AOPEP: variants seen among roughly 807,000 people sequenced by gnomAD.
The protein encoded by AOPEP is aminopeptidase O (putative).
In AOPEP, 77 loss-of-function variants were observed where a neutral mutation model predicts 98.1. The observed-to-expected ratio is 0.78, with a 90% CI of 0.65 to 0.95. The LOEUF (loss-of-function observed/expected upper bound fraction) is 0.95, where lower values mean the gene tolerates loss of function less well. Ranked by LOEUF, AOPEP falls within the 40% of genes least tolerant of loss-of-function variation. AOPEP has a pLI of 0.00. For synonymous variants in AOPEP, 346 were observed against 365.3 expected (o/e 0.95, Z 0.60); for missense variants, 1,024 against 1,024.7 (o/e 1.00, Z 0.01).
At chr9:94,743,752 T>C (rs1325309166) in intron 1 of AOPEP, among the ~76,000 whole-genome samples, 2 of 151,936 alleles carry the variant, frequency 1.3e-5, no homozygotes, top group African/African-American at 2.4e-5. Context: ...AGGGGTTGGA[T>C]TGAACCCAGG....
intron 9 of AOPEP, among the ~76,000 whole-genome samples, chr9:94,957,509 G>A (rs548512693): frequency 3.9e-4 from 60 of 152,212 alleles, no homozygotes; most frequent in Admixed American, 1.3e-3. Flanking sequence ...CACCCAGCCC[G>A]TTTATCTCTT....
At chr9:95,085,172 G>C (rs562887165) in intron 16 of AOPEP, 19 of 452,754 alleles carry the variant, frequency 4.2e-5, no homozygotes, top group Non-Finnish European at 6.6e-5. Context: ...TTCCGCGGAA[G>C]CCCAGTGTGT....
chr9:94,983,206 G>T (rs1433258027), intron 11 of AOPEP, among the ~76,000 whole-genome samples: 2 of 152,060 alleles, frequency 1.3e-5, no homozygotes, highest in South Asian at 4.1e-4. Context: ...TGTATTTTTA[G>T]TAGAGACGGG....
At chr9:94,744,106 GAT>G (rs1380536352) in intron 1 of AOPEP, among the ~76,000 whole-genome samples, 1 of 151,958 alleles carries the variant, frequency 6.6e-6, no homozygotes, top group African/African-American at 2.4e-5. Context: ...TTAAGAATAA[GAT>G]ATGGGGCTGT....
chr9:94,933,613 AG>A, intron 7 of AOPEP: 4 of 985,434 alleles, frequency 4.1e-6, no homozygotes, highest in Non-Finnish European at 4.8e-6. Context: ...CCTTAATAAT[AG>A]GGGGAAAACC....
chr9:94,922,124 C>G (rs527340369), intron 5 of AOPEP, among the ~76,000 whole-genome samples: 1 of 152,330 alleles, frequency 6.6e-6, no homozygotes, highest in East Asian at 1.9e-4. Context: ...GCCACCCACC[C>G]TCCCCACAGC....
At chr9:94,855,389 T>C (rs993392752) in intron 5 of AOPEP, among the ~76,000 whole-genome samples, 6 of 152,158 alleles carry the variant, frequency 3.9e-5, no homozygotes, top group Non-Finnish European at 1.5e-5. Context: ...TGTTTTAGTT[T>C]ATTATTTAGA....
At chr9:94,833,164 G>T (rs1263931762) in intron 5 of AOPEP, among the ~76,000 whole-genome samples, 1 of 149,396 alleles carries the variant, frequency 6.7e-6, no homozygotes, top group East Asian at 2.0e-4. Flanking sequence ...TTGAACTCCT[G>T]ACCTAAAGTG....
chr9:95,128,348 T>C, the AOPEP span, among the ~76,000 whole-genome samples: 1 of 152,226 alleles, frequency 6.6e-6, no homozygotes, highest in Non-Finnish European at 1.5e-5. Context: ...TAAGATCAAA[T>C]AGCACTGTTA....
At chr9:94,960,930 T>G (rs956397334) in intron 9 of AOPEP, among the ~76,000 whole-genome samples, 2 of 149,408 alleles carry the variant, frequency 1.3e-5, no homozygotes, top group Admixed American at 6.7e-5. Context: ...GAGAATGGCG[T>G]GAACCCGGGA....
intron 5 of AOPEP, among the ~76,000 whole-genome samples, chr9:94,909,346 T>TAAAAAAAAA (rs3052031): frequency 2.4e-5 from 2 of 82,034 alleles, no homozygotes; most frequent in African/African-American, 9.2e-5. Context: ...TTTGGAGCCT[T>TAAAAAAAAA]AAAAAAAAAA....
At chr9:95,103,300 T>A in the AOPEP span, among the ~76,000 whole-genome samples, 1 of 151,980 alleles carries the variant, frequency 6.6e-6, no homozygotes, top group African/African-American at 2.4e-5. Flanking sequence ...CATGCAAAAA[T>A]TCGCAGCCCT....
intron 5 of AOPEP, among the ~76,000 whole-genome samples, chr9:94,911,458 C>T (rs1327093991): frequency 2.0e-5 from 3 of 152,134 alleles, no homozygotes; most frequent in African/African-American, 4.8e-5. Context: ...TCAAGCATCA[C>T]GTAATTTTCC....
At chr9:95,020,526 G>A (rs991266448) in intron 13 of AOPEP, among the ~76,000 whole-genome samples, 1 of 151,668 alleles carries the variant, frequency 6.6e-6, no homozygotes, top group Non-Finnish European at 1.5e-5. Flanking sequence ...TGCTTTTCAT[G>A]TTACATTAGT....
At chr9:94,845,273 G>C (rs1476617482) in intron 5 of AOPEP, among the ~76,000 whole-genome samples, 1 of 152,236 alleles carries the variant, frequency 6.6e-6, no homozygotes, top group Non-Finnish European at 1.5e-5. Context: ...AGCCCCCGAG[G>C]TGGGAAGCAC....
chr9:94,975,196 C>T (rs889206799), intron 10 of AOPEP, among the ~76,000 whole-genome samples: 4 of 152,094 alleles, frequency 2.6e-5, no homozygotes, highest in African/African-American at 9.7e-5. Context: ...GAGATTGAAC[C>T]ACTGCACTCC....
chr9:94,806,800 C>T (rs1427318136), intron 5 of AOPEP, among the ~76,000 whole-genome samples: 1 of 152,134 alleles, frequency 6.6e-6, no homozygotes, highest in African/African-American at 2.4e-5. Context: ...CTTGACAATA[C>T]CACTTTGTAC....
intron 5 of AOPEP, among the ~76,000 whole-genome samples, chr9:94,911,630 A>G (rs564598270): frequency 2.6e-5 from 4 of 152,210 alleles, no homozygotes; most frequent in Non-Finnish European, 5.9e-5. Context: ...ATGTGACTCT[A>G]TGGCAAAAGA....
intron 5 of AOPEP, among the ~76,000 whole-genome samples, chr9:94,826,703 ATGG>A (rs762593808): frequency 2.6e-5 from 4 of 152,038 alleles, no homozygotes; most frequent in African/African-American, 7.2e-5. Flanking sequence ...GATAATAATG[ATGG>A]TGGTGGTGGT....
Sources: gnomAD v4.1 joint callset for allele counts (sites outside exome capture counted in the v4.1 genomes callset) on GRCh38, gnomAD v4.1.1 for gene constraint, MANE v1.5 for transcripts, NCBI Gene and HGNC (gene_info 2026-07-23, HGNC 2026-07-21) for gene names.